The following CDC42BPA variants were observed in gnomAD, a reference collection of about 807,000 sequenced individuals.
The protein encoded by CDC42BPA is CDC42 binding protein kinase alpha, also known as serine/threonine-protein kinase MRCK alpha.
A neutral mutation model predicts 223.5 loss-of-function variants in CDC42BPA; 80 were observed. The observed-to-expected ratio is 0.36, with a 90% CI of 0.30 to 0.43. The LOEUF is 0.43. CDC42BPA is among the 20% of genes least tolerant of loss of function. The probability of loss-of-function intolerance (pLI) is 1.00; values close to 1 mark genes in which losing one functional copy is unlikely to be tolerated. For missense variants in CDC42BPA, 1,743 were observed against 2,099.9 expected (o/e 0.83, Z 3.32); for synonymous variants, 694 against 718.6 (o/e 0.97, Z 0.55).
rs774733690 is a variant in CDC42BPA at position 226,994,892 on chromosome 1, T to C, written c.5064A>G (p.Ser1688=). The change falls in exon 36 of 37, where the codon TCA becomes TCG. Residue 1688 remains serine, a synonymous_variant. Transcript: ENST00000366766. This position sits in a 1 kb window ranked among gnomAD's most constrained non-coding sequence, Gnocchi z 4.0. The part of the protein sequence containing the change: ...SAKRQPMPSP[S]EGSLSSGGMD... The stretch of plus-strand genomic sequence containing the variant: ...TGCCTCCAGAGGACAAAGAGCCCTC[T>C]GACGGGGAGGGCATGGGCTGCCGCT... 3 of 1,613,514 alleles carry C rather than the reference T, an allele frequency of 1.9e-6. No individual in the cohort carries two copies. The East Asian group carries it at 6.7e-5, about 36-fold the overall frequency.
chr1:227,189,144 T>C (rs1669305662), intron 5 of CDC42BPA, among the ~76,000 whole-genome samples: 1 of 152,148 alleles, frequency 6.6e-6, no homozygotes, highest in African/African-American at 2.4e-5. Context: ...AGGCAACCAT[T>C]TTTACAACTG....
In CDC42BPA at chr1:227,138,524, C is replaced by CAAAAAAAAAAAAA. The variant is rs61617075; in HGVS notation, c.1390+1039_1390+1051dup. On this transcript the variant is annotated intron_variant, in intron 10 of 36. Transcript: ENST00000366766. ...CCAGGAGATAAAGTGCCCCAGAAGC[C>CAAAAAAAAAAAAA]AAAAAAAAAAAAAGAGAGCGTTATC... Among the ~76,000 whole-genome samples, 11 of 96,142 alleles carry CAAAAAAAAAAAAA rather than the reference C, an allele frequency of 1.1e-4. 1 individual carries two copies. Among genetic ancestry groups the CAAAAAAAAAAAAA allele is most frequent in the Non-Finnish European group, 2.3e-4 (11 of 48,776 alleles). 63.1% of individuals were successfully genotyped at this position (96,142 alleles called of 152,430 possible).
At position 227,029,424 on chromosome 1, in the gene CDC42BPA, T is replaced by C. The variant is rs373353728; in HGVS notation, c.3839-174A>G. 2.8e-4 allele frequency among the ~76,000 whole-genome samples: 42 copies of C among 152,326 alleles called. 1 individual carries two copies. The South Asian group carries it at 8.1e-3, about 29-fold the overall frequency. ...ATCATAAGATAATTTAACTCACCTA[T>C]AGTACGTATTAAATTTGAGTCCTGA... On this transcript the variant is annotated intron_variant, in intron 29 of 36. Coordinates refer to ENST00000366766, the MANE Select transcript of CDC42BPA (RefSeq NM_001394014.1).
chr1:227,185,716 T>A (rs1392430477), intron 5 of CDC42BPA, among the ~76,000 whole-genome samples: 1 of 150,282 alleles, frequency 6.7e-6, no homozygotes, highest in African/African-American at 2.5e-5. Context: ...CCTATTAAAC[T>A]CCCTGCTCCT....
chr1:227,267,147 AT>A (rs911255419), intron 1 of CDC42BPA, among the ~76,000 whole-genome samples: 29 of 152,222 alleles, frequency 1.9e-4, no homozygotes, highest in African/African-American at 6.8e-4. Context: ...TAATTTATGC[AT>A]TTTTATAACA....
intron 20 of CDC42BPA, among the ~76,000 whole-genome samples, chr1:227,071,277 A>C (rs1678270768): frequency 6.6e-6 from 1 of 152,062 alleles, no homozygotes; most frequent in Middle Eastern, 3.4e-3. Flanking sequence ...CATGGCTGAG[A>C]AATGATAGGA....
intron 1 of CDC42BPA, among the ~76,000 whole-genome samples, chr1:227,268,328 G>C (rs1340698150): frequency 1.3e-5 from 2 of 152,028 alleles, no homozygotes; most frequent in African/African-American, 2.4e-5. Flanking sequence ...ATTTATTGTA[G>C]CCTTTACAGA....
In CDC42BPA at chr1:227,023,311, A is replaced by G; in HGVS notation, c.4567T>C (p.Leu1523=). 6.4e-7 allele frequency: 1 copy of G among 1,552,356 alleles called. No homozygotes were observed. The highest frequency in any genetic ancestry group is 8.8e-7 in the Non-Finnish European group (1 of 1,132,184). The change falls in exon 32 of 37, where the codon TTA becomes CTA. Residue 1523 remains leucine, a synonymous_variant. Coordinates refer to ENST00000366766, the MANE Select transcript of CDC42BPA (RefSeq NM_001394014.1). ...PLNNEGSLNL[L]GLETIRLIYF... is the part of the protein sequence containing the mutation. Reference sequence around the variant, plus strand: ...ATTAATCTAATGGTCTCCAACCCTAAAAGATTTAATGATCCTTCATTGTTT... The same window carrying G: ...ATTAATCTAATGGTCTCCAACCCTAGAAGATTTAATGATCCTTCATTGTTT...
chr1:227,105,799 T>C lies in CDC42BPA; in HGVS notation c.2002-4560A>G, dbSNP rs563654654. Among the ~76,000 whole-genome samples the C allele has an allele frequency of 1.1e-4, 17 of 152,346 alleles. 1 individual carries two copies. Among genetic ancestry groups the C allele is most frequent in the Admixed American group, 1.0e-3 (16 of 15,302 alleles). Reference sequence around the variant, plus strand: ...GACTTCATTCCTTTTCATAGATAAATGATACTCCATTGTATTTATATACCA... The same window carrying C: ...GACTTCATTCCTTTTCATAGATAAACGATACTCCATTGTATTTATATACCA... On this transcript the variant is annotated intron_variant, in intron 14 of 36. Coordinates refer to ENST00000366766, the MANE Select transcript of CDC42BPA (RefSeq NM_001394014.1).
chr1:227,112,156 T>C (rs1687033614), intron 14 of CDC42BPA, 156 bp downstream of exon 14: 1 of 441,396 alleles, frequency 2.3e-6, no homozygotes, highest in South Asian at 6.6e-5. Flanking sequence ...AAATCTGTAT[T>C]AGCTTCCTAC....
intron 5 of CDC42BPA, among the ~76,000 whole-genome samples, chr1:227,178,626 G>C (rs1428465481): frequency 6.6e-6 from 1 of 152,162 alleles, no homozygotes; most frequent in African/African-American, 2.4e-5. Context: ...CTCCTGGGTA[G>C]CTACGACTAC....
At chr1:227,296,598 T>G (rs1208220760) in intron 1 of CDC42BPA, among the ~76,000 whole-genome samples, 2 of 149,950 alleles carry the variant, frequency 1.3e-5, no homozygotes, top group Non-Finnish European at 3.0e-5. Flanking sequence ...CCCAGCTACT[T>G]GGGAGGCTGA....
intron 21 of CDC42BPA, among the ~76,000 whole-genome samples, chr1:227,062,247 T>TC (rs1168889250): frequency 1.3e-5 from 2 of 152,106 alleles, no homozygotes. Context: ...CCCTGCTCCC[T>TC]CCCCCCGCAA....
chr1:227,291,244 A>C (rs1274683822), intron 1 of CDC42BPA, among the ~76,000 whole-genome samples: 1 of 152,066 alleles, frequency 6.6e-6, no homozygotes, highest in Admixed American at 6.6e-5. Context: ...CCTGAGGGAA[A>C]ACAGTGTTAA....
chr1:227,051,788 G>T, intron 22 of CDC42BPA, 93 bp downstream of exon 22: 1 of 618,850 alleles, frequency 1.6e-6, no homozygotes. Flanking sequence ...TTACATATTT[G>T]GTTAAGAGGA....
chr1:227,263,730 C>T (rs1486351462), intron 1 of CDC42BPA, among the ~76,000 whole-genome samples: 1 of 151,932 alleles, frequency 6.6e-6, no homozygotes, highest in East Asian at 1.9e-4. Context: ...TACAGGAGCC[C>T]ACCACCATGC....
At chr1:227,253,784 C>T (rs1477148778) in intron 2 of CDC42BPA, among the ~76,000 whole-genome samples, 1 of 151,888 alleles carries the variant, frequency 6.6e-6, no homozygotes, top group African/African-American at 2.4e-5. Flanking sequence ...ACCAACAGAA[C>T]AAAAGAAGAG....
chr1:227,221,520 G>C (rs1273207570), intron 2 of CDC42BPA, among the ~76,000 whole-genome samples: 3 of 151,186 alleles, frequency 2.0e-5, no homozygotes, highest in Non-Finnish European at 2.9e-5. Flanking sequence ...TGACTTTTTT[G>C]AATGTTTCTC....
intron 1 of CDC42BPA, among the ~76,000 whole-genome samples, chr1:227,288,582 G>A (rs1170327030): frequency 6.6e-6 from 1 of 151,996 alleles, no homozygotes; most frequent in Non-Finnish European, 1.5e-5. Flanking sequence ...TGTGGTCCCA[G>A]CTATTGGGGA....
Sources: gnomAD v4.1 joint callset for allele counts (sites outside exome capture counted in the v4.1 genomes callset) on GRCh38, gnomAD v4.1.1 for gene constraint, Gnocchi (gnomAD v3.1) non-coding constraint, MANE v1.5 for transcripts, NCBI Gene and HGNC (gene_info 2026-07-23, HGNC 2026-07-21) for gene names.